Variants in GLRA3 observed in about 807,000 individuals in gnomAD.
GLRA3 encodes the protein glycine receptor alpha 3, also known as glycine receptor subunit alpha-3.
A neutral mutation model predicts 60.4 loss-of-function variants in GLRA3; 44 were observed. That is an observed-to-expected ratio of 0.73 (90% confidence interval 0.57 to 0.94). The LOEUF is 0.94. Ranked by LOEUF, GLRA3 falls within the 40% of genes least tolerant of loss-of-function variation. The pLI is 0.00. For missense variants in GLRA3, 508 were observed against 564.6 expected (o/e 0.90, Z 1.02); for synonymous variants, 223 against 192.9 (o/e 1.16, Z -1.29).
intron 5 of GLRA3, among the ~76,000 whole-genome samples, chr4:174,701,204 G>A (rs1347175727): frequency 6.6e-6 from 1 of 152,136 alleles, no homozygotes; most frequent in African/African-American, 2.4e-5. Flanking sequence ...ACTCTAAGTT[G>A]AAGCCAGTAC....
At chr4:174,745,303 CAA>C in intron 3 of GLRA3, among the ~76,000 whole-genome samples, 1 of 152,102 alleles carries the variant, frequency 6.6e-6, no homozygotes, top group Non-Finnish European at 1.5e-5. Context: ...CAGTGTCCCC[CAA>C]AGAGATACAA....
chr4:174,779,830 C>T (rs1214308533), intron 2 of GLRA3, among the ~76,000 whole-genome samples: 9 of 151,808 alleles, frequency 5.9e-5, no homozygotes, highest in Admixed American at 1.3e-4. Flanking sequence ...ACCAAATCTA[C>T]GTCTGATTGG....
intron 5 of GLRA3, among the ~76,000 whole-genome samples, chr4:174,700,226 T>C (rs1418187076): frequency 1.3e-5 from 2 of 152,204 alleles, no homozygotes; most frequent in Non-Finnish European, 2.9e-5. Flanking sequence ...TTTATTGAGC[T>C]TTTCTTTATT....
rs529994792 is a variant in GLRA3, at chr4:174,654,062, G to A, written c.1116+2681C>T. ...AGTTATTGGGAAATAAGTTTTCTTC[G>A]GGTATGCATGAAAGACATTTGTAGG... On this transcript the variant is annotated intron_variant, in intron 9 of 9. Coordinates refer to ENST00000274093, the MANE Select transcript of GLRA3 (RefSeq NM_006529.4). Among the ~76,000 whole-genome samples, 17 of 152,054 alleles carry A rather than the reference G, an allele frequency of 1.1e-4. No homozygotes were observed. In the South Asian group the frequency reaches 2.1e-3, roughly 19 times the overall value.
intron 1 of GLRA3, among the ~76,000 whole-genome samples, chr4:174,802,856 A>C (rs2111346158): frequency 6.6e-6 from 1 of 152,206 alleles, no homozygotes; most frequent in East Asian, 1.9e-4. Context: ...TATCTTTTTA[A>C]CCAGGCTTGA....
intron 1 of GLRA3, among the ~76,000 whole-genome samples, chr4:174,796,839 C>A (rs1739591054): frequency 1.3e-5 from 2 of 152,064 alleles, no homozygotes; most frequent in South Asian, 4.1e-4. Flanking sequence ...CTGGCCCCTT[C>A]CTCTTCTGAA....
chr4:174,815,448 A>G (rs1033063619), intron 1 of GLRA3, among the ~76,000 whole-genome samples: 1 of 152,160 alleles, frequency 6.6e-6, no homozygotes, highest in African/African-American at 2.4e-5. Flanking sequence ...GGGGGCTCCC[A>G]CTTCACATTT....
chr4:174,822,309 T>C (rs1257615285), intron 1 of GLRA3, among the ~76,000 whole-genome samples: 1 of 152,158 alleles, frequency 6.6e-6, no homozygotes. Flanking sequence ...AGCACCTCCA[T>C]GGACATTATC....
intron 3 of GLRA3, among the ~76,000 whole-genome samples, chr4:174,735,843 G>A (rs766188809): frequency 2.6e-5 from 4 of 152,038 alleles, no homozygotes; most frequent in Admixed American, 1.3e-4. Context: ...ATTCCACCAC[G>A]CCTGGCCTCA....
chr4:174,698,828 A>G (rs1427250109), intron 5 of GLRA3, among the ~76,000 whole-genome samples: 23 of 152,164 alleles, frequency 1.5e-4, no homozygotes, highest in Admixed American at 1.4e-3. Context: ...TTAGCATGGT[A>G]TGGACAGATT....
intron 5 of GLRA3, among the ~76,000 whole-genome samples, chr4:174,702,991 C>T (rs1342872830): frequency 1.3e-5 from 2 of 152,154 alleles, no homozygotes; most frequent in East Asian, 1.9e-4. Flanking sequence ...CTCCCTTACT[C>T]ACGCCCAGTG....
chr4:174,790,139 A>G (rs1739268468), intron 1 of GLRA3, among the ~76,000 whole-genome samples: 1 of 152,204 alleles, frequency 6.6e-6, no homozygotes, highest in Non-Finnish European at 1.5e-5. Context: ...AACACTATCT[A>G]TTAGCTGTTG....
At chr4:174,713,160 A>G (rs982014973) in intron 5 of GLRA3, among the ~76,000 whole-genome samples, 2 of 152,166 alleles carry the variant, frequency 1.3e-5, no homozygotes, top group Non-Finnish European at 2.9e-5. Context: ...TCCTAATAAG[A>G]GAGCAGGAAG....
chr4:174,766,267 A>G (rs1738139879), intron 3 of GLRA3, among the ~76,000 whole-genome samples: 1 of 152,000 alleles, frequency 6.6e-6, no homozygotes, highest in Non-Finnish European at 1.5e-5. Context: ...TCATCTATAC[A>G]GTTTCAAAAA....
chr4:174,727,787 T>C (rs1412216407), intron 4 of GLRA3, among the ~76,000 whole-genome samples: 1 of 152,272 alleles, frequency 6.6e-6, no homozygotes, highest in East Asian at 1.9e-4. Context: ...TAATTATTAT[T>C]CAATATTGGG....
At chr4:174,752,721 C>T (rs550786676) in intron 3 of GLRA3, among the ~76,000 whole-genome samples, 9 of 152,100 alleles carry the variant, frequency 5.9e-5, no homozygotes, top group African/African-American at 1.2e-4. Context: ...ATGGGTTTTG[C>T]GGGTGAAGGT....
chr4:174,736,799 C>T (rs1736808006), intron 3 of GLRA3, among the ~76,000 whole-genome samples: 1 of 151,996 alleles, frequency 6.6e-6, no homozygotes, highest in South Asian at 2.1e-4. Context: ...ATCACAATGC[C>T]TGTATATATG....
At chr4:174,780,418 G>T (rs1257124703) in intron 2 of GLRA3, among the ~76,000 whole-genome samples, 5 of 150,488 alleles carry the variant, frequency 3.3e-5, no homozygotes, top group Non-Finnish European at 7.4e-5. Flanking sequence ...ACCAGCAAAA[G>T]AACCAGCTAA....
At chr4:174,778,723 A>G (rs1203367366) in intron 2 of GLRA3, among the ~76,000 whole-genome samples, 1 of 152,220 alleles carries the variant, frequency 6.6e-6, no homozygotes, top group African/African-American at 2.4e-5. Context: ...ACGCACCTGG[A>G]AAATCGGGTC....
Sources: allele counts gnomAD v4.1 joint callset (sites outside exome capture counted in the v4.1 genomes callset), GRCh38; gene constraint gnomAD v4.1.1; transcripts MANE v1.5; gene names NCBI Gene and HGNC (gene_info 2026-07-23, HGNC 2026-07-21).